Variants in BTBD7 observed in about 807,000 individuals in gnomAD.
The protein encoded by BTBD7 is BTB domain containing 7.
Under a neutral mutation model 99.9 loss-of-function variants are expected in BTBD7, and 38 were observed. That is an observed-to-expected ratio of 0.38 (90% CI 0.29 to 0.50). The LOEUF is 0.50. BTBD7 is among the 20% of genes least tolerant of loss of function. The pLI is 0.93. For missense variants in BTBD7, 1,170 were observed against 1,394.6 expected, an observed-to-expected ratio of 0.84 and a Z score of 2.57; for synonymous variants, 520 against 511.4, an observed-to-expected ratio of 1.02 and a Z score of -0.23.
At chr14:93,303,844 A>G (rs1278809521) in intron 1 of BTBD7, among the ~76,000 whole-genome samples, 1 of 152,102 alleles carries the variant, frequency 6.6e-6, no homozygotes, top group Non-Finnish European at 1.5e-5. Context: ...CCCACCCCCC[A>G]CCAGAGGAAG....
rs189751895 is a variant in BTBD7, at chr14:93,294,480, C to G, written c.540G>C (p.Glu180Asp). Residue 180 changes from glutamate to aspartate, a missense_variant, in exon 3 of 11, where the codon GAG (glutamate) becomes GAC (aspartate). By Grantham distance (45) the Glu-to-Asp change is conservative. This residue lies in a region of BTBD7 where 359 missense variants were observed against 497.9 expected (regional missense o/e 0.72). Transcript: ENST00000334746. ...CAGCTGTATTGATGTCCATTATTAT[C>G]TCTGCCCCATACTCTGGTGAGGAAG... is the stretch of plus-strand genomic sequence containing the variant. ...LLSSSPEYGA[E>D]IIMDINTAGI... is the part of the protein sequence containing the mutation. 3.7e-4 allele frequency: 600 copies of G among 1,614,022 alleles called. No homozygotes were observed. Among genetic ancestry groups the G allele is most frequent in the Non-Finnish European group, 4.6e-4 (548 of 1,180,040 alleles).
chr14:93,300,351 G>C (rs901021287), intron 1 of BTBD7, among the ~76,000 whole-genome samples: 3 of 148,382 alleles, frequency 2.0e-5, no homozygotes, highest in Non-Finnish European at 4.4e-5. Flanking sequence ...TCTGCCTCCT[G>C]GGTTCAAGTG....
At chr14:93,298,589 A>C (rs2052957286) in intron 1 of BTBD7, among the ~76,000 whole-genome samples, 1 of 152,184 alleles carries the variant, frequency 6.6e-6, no homozygotes, top group Non-Finnish European at 1.5e-5. Context: ...ATTGGAAAAA[A>C]TCCCAAACCT....
At chr14:93,296,384 AGT>A (rs1185086767) in intron 1 of BTBD7, among the ~76,000 whole-genome samples, 6 of 152,238 alleles carry the variant, frequency 3.9e-5, no homozygotes, top group African/African-American at 1.4e-4. Flanking sequence ...GTCAGTAAAA[AGT>A]AACATATCAA....
rs573515870 is a variant in BTBD7, at chr14:93,239,875, C to CA, written c.*2397_*2398insT. 1 of 150,862 alleles carries CA rather than the reference C, an allele frequency of 6.6e-6. No homozygotes were observed. The highest frequency in any genetic ancestry group is 1.5e-5 in the Non-Finnish European group (1 of 67,660). The allele number at this position is 150,862 out of a possible 1,614,324, so 9.3% of individuals were successfully genotyped here. A position where few individuals can be genotyped will look rare whatever the true frequency, so the allele number is the denominator to read the frequency against. On this transcript the variant is annotated 3_prime_UTR_variant, in exon 11 of 11. Transcript: ENST00000334746. ...ATCAACAGCTCTGGTCTAACATTTG[C>CA]GGGGGGGGAAGGGTCAGGGATGAGA...
At chr14:93,296,806 GA>G (rs534305742) in intron 1 of BTBD7, among the ~76,000 whole-genome samples, 2 of 151,822 alleles carry the variant, frequency 1.3e-5, no homozygotes, top group African/African-American at 2.4e-5. Flanking sequence ...ATAAAGCCCT[GA>G]AAAAAAATCC....
intron 3 of BTBD7, among the ~76,000 whole-genome samples, chr14:93,291,830 A>G (rs1446618901): frequency 6.6e-6 from 1 of 152,090 alleles, no homozygotes; most frequent in East Asian, 1.9e-4. Context: ...TAAACTCTAG[A>G]TAAATAATCA....
rs1245254991 is a variant in BTBD7, at chr14:93,253,959, A to G, written c.1609-169T>C. Among the ~76,000 whole-genome samples the G allele has an allele frequency of 2.0e-5, 3 of 149,208 alleles. No individual in the cohort carries two copies. The South Asian group carries it at 6.3e-4, about 31-fold the overall frequency. ...AATACCTCAAATTTTTTTTTTTTTG[A>G]GACAGAGTCTCACTGTCGCCCCGGC... On this transcript the variant is annotated intron_variant, in intron 6 of 10. Transcript: ENST00000334746.
rs146915319 is a variant in BTBD7 at position 93,237,688 on chromosome 14, C to T, written c.*4585G>A. 8 of 152,696 alleles carry T rather than the reference C, an allele frequency of 5.2e-5. No individual in the cohort carries two copies. Among genetic ancestry groups the T allele is most frequent in the East Asian group, 3.9e-4 (2 of 5,190 alleles). 9.5% of individuals were successfully genotyped at this position (152,696 alleles called of 1,614,324 possible). On this transcript the variant is annotated 3_prime_UTR_variant, in exon 11 of 11. Transcript: ENST00000334746. The stretch of plus-strand genomic sequence containing the variant: ...AATGGTACTCAAAAGAGAAATGTAT[C>T]GTTTTACAATGCTTCACACAGACGA...
chr14:93,292,891 A>G (rs546997115), intron 3 of BTBD7, among the ~76,000 whole-genome samples: 22 of 152,302 alleles, frequency 1.4e-4, no homozygotes, highest in African/African-American at 5.1e-4. Context: ...ACTTAACCAT[A>G]TAATACATAT....
At position 93,320,283 on chromosome 14, in the gene BTBD7, C is replaced by T. The variant is rs577589080; in HGVS notation, c.-107+12537G>A. 3.9e-5 allele frequency among the ~76,000 whole-genome samples: 6 copies of T among 152,308 alleles called. No homozygotes were observed. In the East Asian group the frequency reaches 7.7e-4, roughly 20 times the overall value. On this transcript the variant is annotated intron_variant, in intron 1 of 10. Coordinates refer to ENST00000334746, the MANE Select transcript of BTBD7 (RefSeq NM_001002860.4). ...CCCCTTCCACCCTCCCTAACCCCCA[C>T]ACTTGACAATGTCTGGAGACATTTC...
intron 1 of BTBD7, among the ~76,000 whole-genome samples, chr14:93,307,256 A>G (rs2053081393): frequency 6.6e-6 from 1 of 152,164 alleles, no homozygotes; most frequent in African/African-American, 2.4e-5. Flanking sequence ...GGCTCAAGCA[A>G]TCCTCCAAGC....
At chr14:93,285,482 C>A (rs957151992) in intron 3 of BTBD7, among the ~76,000 whole-genome samples, 1 of 152,084 alleles carries the variant, frequency 6.6e-6, no homozygotes, top group African/African-American at 2.4e-5. Flanking sequence ...GATGAAAAAA[C>A]AAAATCTGCA....
intron 1 of BTBD7, 104 bp from the exon 2 acceptor site, chr14:93,296,261 A>C (rs1205227073): frequency 6.5e-6 from 5 of 773,358 alleles, no homozygotes; most frequent in South Asian, 4.1e-5. Context: ...ACAAATAACA[A>C]CACGCTGTCA....
rs773339028 is a variant in BTBD7, at chr14:93,248,573, G to A, written c.2024C>T (p.Ala675Val). The A allele has an allele frequency of 1.9e-6, 3 of 1,614,080 alleles. No individual in the cohort carries two copies. Among genetic ancestry groups the A allele is most frequent in the Non-Finnish European group, 2.5e-6 (3 of 1,180,034 alleles). ...AGTGGCGCCTTCCCCGCAGTTCAGG[G>A]CATAGGCCCTCTGCACCTGCTCCGT... The part of the protein sequence containing the change: ...RHTEQVQRAY[A>V]LNCGEGATVS... The change falls in exon 9 of 11, where the codon GCC (alanine) becomes GTC (valine). Residue 675 changes from alanine to valine, a missense_variant. Transcript: ENST00000334746.
intron 3 of BTBD7, among the ~76,000 whole-genome samples, chr14:93,275,579 C>T (rs2052646205): frequency 6.6e-6 from 1 of 152,120 alleles, no homozygotes; most frequent in Non-Finnish European, 1.5e-5. Flanking sequence ...CATTGTTAGG[C>T]AATTTCATCA....
chr14:93,263,019 C>T (rs529704232), intron 4 of BTBD7, among the ~76,000 whole-genome samples: 1 of 152,290 alleles, frequency 6.6e-6, no homozygotes, highest in African/African-American at 2.4e-5. Flanking sequence ...TAACTCTCCA[C>T]TGCATTTCTG....
chr14:93,331,686 G>C (rs1713354232), intron 1 of BTBD7, among the ~76,000 whole-genome samples: 1 of 152,202 alleles, frequency 6.6e-6, no homozygotes, highest in African/African-American at 2.4e-5. Flanking sequence ...CTCGAGACCA[G>C]TCTGGCCAAC....
At chr14:93,315,420 T>G (rs902262769) in intron 1 of BTBD7, among the ~76,000 whole-genome samples, 2 of 152,238 alleles carry the variant, frequency 1.3e-5, no homozygotes, top group Non-Finnish European at 2.9e-5. Context: ...AGGTGTACAA[T>G]GTTAGGCTTG....
Sources: allele counts gnomAD v4.1 joint callset (sites outside exome capture counted in the v4.1 genomes callset), GRCh38; gene constraint gnomAD v4.1.1; regional missense constraint gnomAD v4.1.1; transcripts MANE v1.5; gene names NCBI Gene and HGNC (gene_info 2026-07-23, HGNC 2026-07-21).